Variants in NCAM2 observed in about 807,000 individuals in gnomAD.
NCAM2 encodes neural cell adhesion molecule 2.
Under a neutral mutation model 98.1 loss-of-function variants are expected in NCAM2, and 30 were observed. The ratio of observed to expected loss-of-function variants is 0.31; its 90% CI spans 0.23 to 0.41. The LOEUF (loss-of-function observed/expected upper bound fraction) is 0.41. NCAM2 is among the 10% of genes least tolerant of loss of function. The pLI is 1.00. For missense variants in NCAM2, 867 were observed against 1,005.8 expected (o/e 0.86, Z 1.87); for synonymous variants, 368 against 342.4 (o/e 1.07, Z -0.83).
intron 1 of NCAM2, among the ~76,000 whole-genome samples, chr21:21,140,027 A>G (rs562426217): frequency 6.5e-4 from 99 of 152,206 alleles, no homozygotes; most frequent in Non-Finnish European, 1.0e-3. Context: ...AGGACATCAA[A>G]TTGTCATGGT....
intron 8 of NCAM2, among the ~76,000 whole-genome samples, chr21:21,357,750 C>T (rs1198473143): frequency 6.6e-6 from 1 of 151,274 alleles, no homozygotes; most frequent in African/African-American, 2.4e-5. Flanking sequence ...TTCTGGGATG[C>T]AATTATAGAC....
intron 15 of NCAM2, among the ~76,000 whole-genome samples, chr21:21,493,803 T>C (rs1414250867): frequency 1.3e-5 from 2 of 151,926 alleles, no homozygotes; most frequent in African/African-American, 4.8e-5. Flanking sequence ...GGTCGCAATT[T>C]TACATTATGT....
At chr21:21,144,838 A>T (rs1697274997) in intron 1 of NCAM2, among the ~76,000 whole-genome samples, 1 of 152,184 alleles carries the variant, frequency 6.6e-6, no homozygotes, top group South Asian at 2.1e-4. Flanking sequence ...TGAAATGCTT[A>T]AGAAATGGAA....
chr21:21,044,617 A>G (rs1350380782), intron 1 of NCAM2, among the ~76,000 whole-genome samples: 1 of 152,208 alleles, frequency 6.6e-6, no homozygotes, highest in Non-Finnish European at 1.5e-5. Flanking sequence ...AAAGAATAAA[A>G]ATAAAAGAAT....
chr21:21,056,467 T>C (rs1379599861), intron 1 of NCAM2, among the ~76,000 whole-genome samples: 1 of 148,128 alleles, frequency 6.8e-6, no homozygotes, highest in Non-Finnish European at 1.5e-5. Context: ...ATTGACAGTT[T>C]AGAGCAAGTG....
At chr21:21,377,174 G>T (rs115126468) in intron 9 of NCAM2, among the ~76,000 whole-genome samples, 1 of 151,334 alleles carries the variant, frequency 6.6e-6, no homozygotes, top group Admixed American at 6.6e-5. Flanking sequence ...CTCTTGTTAA[G>T]ACATTATTCA....
chr21:21,461,912 G>A (rs922268824), intron 12 of NCAM2, among the ~76,000 whole-genome samples: 6 of 151,892 alleles, frequency 4.0e-5, no homozygotes, highest in African/African-American at 1.5e-4. Context: ...TGTGGAGCTG[G>A]CATCAAAGTA....
chr21:21,041,882 A>G (rs2064912576), intron 1 of NCAM2, among the ~76,000 whole-genome samples: 3 of 152,176 alleles, frequency 2.0e-5, no homozygotes, highest in Admixed American at 2.0e-4. Context: ...GGGAAATTCC[A>G]TATACCTGGT....
chr21:21,315,203 A>G (rs927347831), intron 5 of NCAM2, among the ~76,000 whole-genome samples: 3 of 152,148 alleles, frequency 2.0e-5, no homozygotes, highest in Admixed American at 6.5e-5. Context: ...ATGTGTACCA[A>G]TGGCCATTCC....
intron 1 of NCAM2, among the ~76,000 whole-genome samples, chr21:21,265,409 T>C (rs1410415964): frequency 1.6e-5 from 1 of 63,328 alleles, no homozygotes; most frequent in African/African-American, 5.4e-5. Context: ...ATTATATATG[T>C]GTATATATAA....
chr21:21,089,500 C>T (rs1209439561), intron 1 of NCAM2, among the ~76,000 whole-genome samples: 1 of 152,192 alleles, frequency 6.6e-6, no homozygotes, highest in Non-Finnish European at 1.5e-5. Context: ...TCTGTCACTA[C>T]AAATATTGAT....
intron 1 of NCAM2, among the ~76,000 whole-genome samples, chr21:21,212,843 C>T (rs557172271): frequency 3.4e-3 from 509 of 150,960 alleles, no homozygotes; most frequent in Non-Finnish European, 6.0e-3. Flanking sequence ...CCCGGGCTCA[C>T]GCCATTCTCC....
intron 1 of NCAM2, among the ~76,000 whole-genome samples, chr21:21,256,631 T>G (rs1320326541): frequency 1.3e-5 from 2 of 152,128 alleles, no homozygotes; most frequent in Admixed American, 6.6e-5. Context: ...TATGCCTTTT[T>G]TAAGGAGTGT....
rs573886462 is a variant in NCAM2, at chr21:21,217,065, T to TAC, written c.56-63512_56-63511insCA. Among the ~76,000 whole-genome samples the TAC allele has an allele frequency of 1.4e-4, 22 of 152,264 alleles. No individual in the cohort carries two copies. The South Asian group carries it at 4.6e-3, about 32-fold the overall frequency. ...GTGTAATGATTGAAGGTATAAGGGG[T>TAC]ATACATAGCACAGGATAAATGCTGA... On this transcript the variant is annotated intron_variant, in intron 1 of 17. Transcript: ENST00000400546.
intron 5 of NCAM2, among the ~76,000 whole-genome samples, chr21:21,311,335 A>ATT (rs57458011): frequency 7.2e-4 from 78 of 108,590 alleles, no homozygotes; most frequent in Middle Eastern, 5.1e-3. Context: ...AATATGGGGC[A>ATT]TTTTTTTTTT....
At chr21:21,485,225 AT>A (rs1216373610) in intron 15 of NCAM2, among the ~76,000 whole-genome samples, 3 of 152,156 alleles carry the variant, frequency 2.0e-5, no homozygotes, top group African/African-American at 7.2e-5. Flanking sequence ...AATTTTTTTC[AT>A]TAAGTGAAAA....
chr21:21,120,240 G>A (rs758633249), intron 1 of NCAM2, among the ~76,000 whole-genome samples: 128 of 152,066 alleles, frequency 8.4e-4, no homozygotes, highest in Non-Finnish European at 4.7e-4. Flanking sequence ...TTAATGATTT[G>A]CAAGGATAAT....
At chr21:21,301,677 T>G (rs1285410752) in intron 5 of NCAM2, among the ~76,000 whole-genome samples, 1 of 149,650 alleles carries the variant, frequency 6.7e-6, no homozygotes, top group Non-Finnish European at 1.5e-5. Flanking sequence ...AGAATGATGG[T>G]TTCCAATTTC....
intron 3 of NCAM2, among the ~76,000 whole-genome samples, chr21:21,284,862 T>C (rs2073049213): frequency 1.3e-5 from 2 of 151,588 alleles, no homozygotes; most frequent in Non-Finnish European, 3.0e-5. Context: ...TAATATTGAG[T>C]CAGGATTCTT....
Sources: gnomAD v4.1 joint callset for allele counts (sites outside exome capture counted in the v4.1 genomes callset) on GRCh38, gnomAD v4.1.1 for gene constraint, MANE v1.5 for transcripts, NCBI Gene and HGNC (gene_info 2026-07-23, HGNC 2026-07-21) for gene names.